Variants in DCBLD2 observed in about 807,000 individuals in gnomAD.
The protein encoded by DCBLD2 is discoidin, CUB and LCCL domain containing 2, also known as discoidin, CUB and LCCL domain-containing protein 2.
DCBLD2 carries 54 observed loss-of-function variants against 86.8 expected under a neutral mutation model. That is an observed-to-expected ratio of 0.62 (90% CI 0.50 to 0.78). The LOEUF is 0.78. Ranked by LOEUF, DCBLD2 falls within the 30% of genes least tolerant of loss-of-function variation. The probability of loss-of-function intolerance (pLI) is 0.00; values close to 1 mark genes in which losing one functional copy is unlikely to be tolerated. For synonymous variants in DCBLD2, 354 were observed against 341.3 expected (o/e 1.04, Z -0.41); for missense variants, 908 against 954.2 (o/e 0.95, Z 0.64).
chr3:98,883,310 T>C (rs769364014), intron 1 of DCBLD2, among the ~76,000 whole-genome samples: 17 of 152,352 alleles, frequency 1.1e-4, no homozygotes, highest in Non-Finnish European at 2.4e-4. Context: ...CTTGAAATTA[T>C]TAAAGCAATA....
intron 3 of DCBLD2, among the ~76,000 whole-genome samples, chr3:98,843,779 G>C (rs1942664598): frequency 6.6e-6 from 1 of 152,056 alleles, no homozygotes; most frequent in African/African-American, 2.4e-5. Flanking sequence ...CAGATTCTAA[G>C]GGGTGGCAGA....
intron 1 of DCBLD2, 93 bp from the exon 2 acceptor site, chr3:98,881,860 C>A: frequency 8.0e-7 from 1 of 1,242,818 alleles, no homozygotes; most frequent in Non-Finnish European, 1.1e-6. Context: ...ATATGCACGA[C>A]ATCAAATATT....
rs746925137 is a variant in DCBLD2 at position 98,819,292 on chromosome 3, G to C, written c.997C>G (p.Leu333Val). The C allele has an allele frequency of 5.0e-6, 8 of 1,613,648 alleles. No homozygotes were observed. The highest frequency in any genetic ancestry group is 6.8e-6 in the Non-Finnish European group (8 of 1,179,782). ...ENSWKPKKAR[L>V]KKPGPPWAAF... ...GCCCAAGGCGGTCCAGGTTTTTTCA[G>C]CCTGGCTTTTTTGGGTTTCCAACTG... Residue 333 changes from leucine (L) to valine (V), a missense_variant, in exon 8 of 16, where the codon CTG becomes GTG. Physicochemically the swap from Leu to Val is conservative, Grantham distance 32 (BLOSUM62 1). Around this residue, in one of 3 missense-constraint regions of DCBLD2, gnomAD observed 606 missense variants for 678.5 expected, o/e 0.89. Transcript: ENST00000326840.
intron 1 of DCBLD2, among the ~76,000 whole-genome samples, chr3:98,886,807 CCCTTT>C (rs1559800584): frequency 3.6e-5 from 5 of 138,682 alleles, no homozygotes; most frequent in Non-Finnish European, 1.6e-5. Flanking sequence ...AAAACCCCCC[CCCTTT>C]TTTTTTTTTT....
rs780606821 is a variant in DCBLD2, at chr3:98,799,571, G to A, written c.2129C>T (p.Pro710Leu). The A allele has an allele frequency of 6.2e-6, 10 of 1,613,972 alleles. No homozygotes were observed. Among genetic ancestry groups the A allele is most frequent in the Admixed American group, 3.3e-5 (2 of 60,016 alleles). ...TFKATGNQPP[P>L]LVGTYNTLLS... ...AAGTGTATTGTAAGTTCCCACTAGTGGGGGAGGTTGGTTCCCCGTAGCCTT... is the reference window on the plus strand; with the variant it reads ...AAGTGTATTGTAAGTTCCCACTAGTAGGGGAGGTTGGTTCCCCGTAGCCTT... Residue 710 changes from proline (P) to leucine (L), a missense_variant, in exon 16 of 16, where the codon CCA becomes CTA. Coordinates refer to ENST00000326840, the MANE Select transcript of DCBLD2 (RefSeq NM_080927.4).
chr3:98,825,414 C>A (rs377044054), intron 3 of DCBLD2, 48 bp from the exon 4 acceptor site: 1 of 1,368,312 alleles, frequency 7.3e-7, no homozygotes, highest in Admixed American at 3.2e-5. Context: ...TACAGGATTA[C>A]CTTGCTGAAA....
rs1039837367 is a variant in DCBLD2 at position 98,876,101 on chromosome 3, TAAAC to T, written c.433+5435_433+5438del. 3.0e-4 allele frequency among the ~76,000 whole-genome samples: 45 copies of T among 150,022 alleles called. 1 individual carries two copies. In the South Asian group the frequency reaches 6.7e-3, roughly 22 times the overall value. ...TTTGCATGGTTGAAAAAAAGTAACATAAACAAAGTCAAAAGACAACTGACAAATT... is the reference window on the plus strand; with the variant it reads ...TTTGCATGGTTGAAAAAAAGTAACATAAAGTCAAAAGACAACTGACAAATT... On this transcript the variant is annotated intron_variant, in intron 2 of 15. Transcript: ENST00000326840.
intron 3 of DCBLD2, among the ~76,000 whole-genome samples, chr3:98,839,373 C>T (rs1942578577): frequency 6.6e-6 from 1 of 151,988 alleles, no homozygotes; most frequent in African/African-American, 2.4e-5. Flanking sequence ...TTACTTGCCC[C>T]TTCTATTTCT....
intron 3 of DCBLD2, among the ~76,000 whole-genome samples, chr3:98,848,103 T>G (rs564204573): frequency 5.9e-5 from 9 of 152,218 alleles, no homozygotes; most frequent in African/African-American, 2.2e-4. Context: ...CCATTAGTTA[T>G]TTTTCCTGAT....
At chr3:98,897,375 T>C (rs895500314) in intron 1 of DCBLD2, among the ~76,000 whole-genome samples, 13 of 152,162 alleles carry the variant, frequency 8.5e-5, no homozygotes, top group African/African-American at 3.1e-4. Flanking sequence ...ATTAGAAATA[T>C]AGCAGAAAAG....
chr3:98,876,412 T>TAAAAAAAAAAAAAAAA (rs60681986), intron 2 of DCBLD2, among the ~76,000 whole-genome samples: 35 of 47,532 alleles, frequency 7.4e-4, no homozygotes, highest in Non-Finnish European at 1.0e-3. Context: ...AGATAAAAAG[T>TAAAAAAAAAAAAAAAA]AAAAAAAAAA....
intron 6 of DCBLD2, among the ~76,000 whole-genome samples, chr3:98,821,494 A>T (rs1451652456): frequency 6.6e-6 from 1 of 152,236 alleles, no homozygotes; most frequent in African/African-American, 2.4e-5. Flanking sequence ...AATGCTTATG[A>T]TGTAACACTT....
intron 3 of DCBLD2, among the ~76,000 whole-genome samples, chr3:98,838,973 C>A (rs186177087): frequency 6.6e-6 from 1 of 150,714 alleles, no homozygotes; most frequent in Non-Finnish European, 1.5e-5. Context: ...TGCAGTGAGC[C>A]GAGATGGCAG....
At chr3:98,807,191 G>T (rs1428615837) in intron 13 of DCBLD2, among the ~76,000 whole-genome samples, 1 of 152,168 alleles carries the variant, frequency 6.6e-6, no homozygotes, top group Non-Finnish European at 1.5e-5. Flanking sequence ...TACATGCGAT[G>T]ACTCACTATT....
chr3:98,893,376 T>A (rs1943696758), intron 1 of DCBLD2, among the ~76,000 whole-genome samples: 1 of 144,940 alleles, frequency 6.9e-6, no homozygotes, highest in African/African-American at 2.5e-5. Flanking sequence ...AAGACCACTG[T>A]AGTAAGAAAA....
intron 7 of DCBLD2, 55 bp from the exon 8 acceptor site, chr3:98,819,472 T>C: frequency 6.4e-7 from 1 of 1,573,052 alleles, no homozygotes; most frequent in Non-Finnish European, 8.7e-7. Context: ...AAAATGCATG[T>C]AGACCTGCTC....
At chr3:98,818,871 G>T (rs931035460) in intron 8 of DCBLD2, among the ~76,000 whole-genome samples, 1 of 152,140 alleles carries the variant, frequency 6.6e-6, no homozygotes, top group Admixed American at 6.5e-5. Flanking sequence ...GACTCGGAAT[G>T]GCTTCCTTGC....
At chr3:98,859,320 G>C (rs1398769824) in intron 2 of DCBLD2, among the ~76,000 whole-genome samples, 4 of 152,174 alleles carry the variant, frequency 2.6e-5, no homozygotes, top group Admixed American at 2.0e-4. Context: ...CCAAACAAAA[G>C]TCAGCAAAAA....
At position 98,881,374 on chromosome 3, in the gene DCBLD2, C is replaced by T. The variant is rs139587588; in HGVS notation, c.433+166G>A. 9.0e-3 allele frequency among the ~76,000 whole-genome samples: 1,360 copies of T among 151,676 alleles called. 19 individuals carry two copies. The highest frequency in any genetic ancestry group is 0.032 in the African/African-American group (1,308 of 41,316). On this transcript the variant is annotated intron_variant, in intron 2 of 15. Coordinates refer to ENST00000326840, the MANE Select transcript of DCBLD2 (RefSeq NM_080927.4). ...TAGAAAAGTAAATAAAGTAAACAGA[C>T]AAGAATCTTCTCTTCCCAAAAGATT... is the stretch of plus-strand genomic sequence containing the variant.
Sources: gnomAD v4.1 joint callset for allele counts (sites outside exome capture counted in the v4.1 genomes callset) on GRCh38, gnomAD v4.1.1 for gene constraint, gnomAD v4.1.1 regional missense constraint, MANE v1.5 for transcripts, NCBI Gene and HGNC (gene_info 2026-07-23, HGNC 2026-07-21) for gene names.